Variants in ARID1B observed in about 807,000 individuals in gnomAD.
ARID1B encodes AT-rich interaction domain 1B, also known as AT-rich interactive domain-containing protein 1B.
ARID1B carries 30 observed loss-of-function variants against 212.3 expected under a neutral mutation model. That is an observed-to-expected ratio of 0.14 (90% confidence interval 0.11 to 0.19). The LOEUF is 0.19. Ranked by LOEUF, ARID1B falls within the 10% of genes least tolerant of loss-of-function variation. The pLI, the probability that ARID1B is intolerant of heterozygous loss-of-function variation, is 1.00. For synonymous variants in ARID1B, 1,402 were observed against 1,301.7 expected (o/e 1.08, Z -1.66); for missense variants, 2,891 against 3,204.0 (o/e 0.90, Z 2.36).
At chr6:156,922,621 A>C (rs945708129) in intron 3 of ARID1B, among the ~76,000 whole-genome samples, 2 of 152,168 alleles carry the variant, frequency 1.3e-5, no homozygotes, top group Non-Finnish European at 2.9e-5. Flanking sequence ...GAATGTGGTT[A>C]TTTGCAGCTA....
chr6:156,777,727 C>A lies in ARID1B; in HGVS notation c.47C>A (p.Ala16Glu). 1 of 184,408 alleles carries A rather than the reference C, an allele frequency of 5.4e-6. No individual in the cohort carries two copies. The highest frequency in any genetic ancestry group is 9.8e-6 in the Non-Finnish European group (1 of 102,458). 11.4% of individuals were successfully genotyped at this position (184,408 alleles called of 1,614,324 possible). A position where few individuals can be genotyped will look rare whatever the true frequency, so the allele number is the denominator to read the frequency against. The change falls in exon 1 of 20, where the codon GCG becomes GAG. Residue 16 changes from alanine (A) to glutamate (E), a missense_variant. Ala to Glu is a moderately radical substitution (Grantham distance 107). Coordinates refer to ENST00000636930, the MANE Select transcript of ARID1B (RefSeq NM_001374828.1). Reference protein sequence around the residue: ...AAAAAAAAARARARAGSGERR... With the variant: ...AAAAAAAAARERARAGSGERR... ...GCGGCGGCGGCGGCGGCGGCGCGGG[C>A]GCGGGCGCGGGCAGGCAGCGGCGAA... is the stretch of plus-strand genomic sequence containing the variant.
intron 2 of ARID1B, among the ~76,000 whole-genome samples, chr6:156,854,924 A>G (rs550704202): frequency 1.3e-5 from 2 of 152,324 alleles, no homozygotes; most frequent in Non-Finnish European, 2.9e-5. Context: ...GCCTCTGTTG[A>G]TTGTTCTGGC....
intron 4 of ARID1B, among the ~76,000 whole-genome samples, chr6:156,958,565 C>T (rs966620788): frequency 6.6e-6 from 1 of 152,232 alleles, no homozygotes; most frequent in Non-Finnish European, 1.5e-5. Context: ...TCGTGAAGCA[C>T]TTTTCAGCAA....
At chr6:157,176,728 C>T (rs1377421958) in intron 11 of ARID1B, among the ~76,000 whole-genome samples, 23 of 152,128 alleles carry the variant, frequency 1.5e-4, no homozygotes, top group Admixed American at 1.5e-3. Flanking sequence ...TGCCTGTAAT[C>T]CCAGCTACTC....
intron 7 of ARID1B, among the ~76,000 whole-genome samples, chr6:157,136,786 C>A (rs770905263): frequency 6.6e-6 from 1 of 152,020 alleles, no homozygotes; most frequent in Non-Finnish European, 1.5e-5. Context: ...CGCTTGAACC[C>A]GGGACGTGGA....
At position 157,208,245 on chromosome 6, in the gene ARID1B, A is replaced by G. The variant is rs1030816385; in HGVS notation, c.*354A>G. ...TGGGGGAAGCAAATTGACTTTAAAG[A>G]AAAAAGTTGTGGCAAAAGATGCTAA... On this transcript the variant is annotated 3_prime_UTR_variant, in exon 20 of 20. Coordinates refer to ENST00000636930, the MANE Select transcript of ARID1B (RefSeq NM_001374828.1). 9 of 247,280 alleles carry G rather than the reference A, an allele frequency of 3.6e-5. No homozygotes were observed. Among genetic ancestry groups the G allele is most frequent in the African/African-American group, 1.5e-4 (7 of 45,834 alleles). The allele number at this position is 247,280 out of a possible 1,614,324, so 15.3% of individuals were successfully genotyped here. A position where few individuals can be genotyped will look rare whatever the true frequency, so the allele number is the denominator to read the frequency against.
Position 156,922,818 on chromosome 6 carries a change from G to C in ARID1B, c.2137-12648G>C, listed in dbSNP as rs553970899. 7.2e-5 allele frequency among the ~76,000 whole-genome samples: 11 copies of C among 152,294 alleles called. No homozygotes were observed. In the South Asian group the frequency reaches 2.3e-3, roughly 32 times the overall value. ...CTGTATTCTCAGGGGAGTGTTCAAA[G>C]ACCTTCTACTCCAGGTCAAGAATTC... On this transcript the variant is annotated intron_variant, in intron 3 of 19. Transcript: ENST00000636930.
chr6:157,186,456 A>G (rs1248607640), intron 13 of ARID1B: 1 of 471,126 alleles, frequency 2.1e-6, no homozygotes, highest in East Asian at 6.9e-5. Context: ...CTCCAGGCAC[A>G]CACAGGCGTC....
Position 156,995,310 on chromosome 6 carries a change from A to G in ARID1B, c.2247+59734A>G, listed in dbSNP as rs537804819. On this transcript the variant is annotated intron_variant, in intron 4 of 19. Coordinates refer to ENST00000636930, the MANE Select transcript of ARID1B (RefSeq NM_001374828.1). ...AAAGGTACAAAAGGAGCCAAAGAGA[A>G]GGTAGCAATTTTAAATAGCTGACCT... Among the ~76,000 whole-genome samples, 6 of 152,372 alleles carry G rather than the reference A, an allele frequency of 3.9e-5. No homozygotes were observed. The South Asian group carries it at 1.2e-3, about 32-fold the overall frequency.
chr6:157,186,875 T>C (rs549348908), intron 13 of ARID1B, among the ~76,000 whole-genome samples: 1 of 152,352 alleles, frequency 6.6e-6, no homozygotes, highest in South Asian at 2.1e-4. Context: ...CATCTGTCTC[T>C]AGTCAGGTTT....
At chr6:156,966,538 C>T (rs1039308609) in intron 4 of ARID1B, among the ~76,000 whole-genome samples, 5 of 151,426 alleles carry the variant, frequency 3.3e-5, no homozygotes, top group Non-Finnish European at 5.9e-5. Flanking sequence ...GTATTACAGG[C>T]ACCTGCTACC....
intron 2 of ARID1B, among the ~76,000 whole-genome samples, chr6:156,867,675 C>T (rs1785803977): frequency 6.6e-6 from 1 of 151,844 alleles, no homozygotes; most frequent in Admixed American, 6.6e-5. Flanking sequence ...TCCTTTAGGC[C>T]TGCTTTTCAG....
chr6:156,843,104 A>G (rs1784009464), intron 2 of ARID1B, among the ~76,000 whole-genome samples: 1 of 152,114 alleles, frequency 6.6e-6, no homozygotes, highest in African/African-American at 2.4e-5. Context: ...CACCCTTCCA[A>G]CACTTCATAG....
At position 156,955,133 on chromosome 6, in the gene ARID1B, T is replaced by G. The variant is rs1731901235; in HGVS notation, c.2247+19557T>G. Among the ~76,000 whole-genome samples the G allele has an allele frequency of 6.6e-6, 1 of 152,244 alleles. No homozygotes were observed. Among genetic ancestry groups the G allele is most frequent in the Admixed American group, 6.5e-5 (1 of 15,278 alleles). On this transcript the variant is annotated intron_variant, in intron 4 of 19. Coordinates refer to ENST00000636930, the MANE Select transcript of ARID1B (RefSeq NM_001374828.1). This position sits in a 1 kb window ranked among gnomAD's most constrained non-coding sequence, Gnocchi z 4.2. ...CTCATCGACCCTTCCTGGCTGCTGT[T>G]GGACTGGGTCGGGGCTGTTGTTCAA...
chr6:156,948,814 T>C (rs1048433147), intron 4 of ARID1B, among the ~76,000 whole-genome samples: 14 of 152,250 alleles, frequency 9.2e-5, no homozygotes, highest in Admixed American at 2.6e-4. Context: ...ACAGAAAATA[T>C]CTACTTTTGG....
At chr6:156,886,125 A>G (rs1720190357) in intron 2 of ARID1B, among the ~76,000 whole-genome samples, 1 of 152,234 alleles carries the variant, frequency 6.6e-6, no homozygotes, top group Non-Finnish European at 1.5e-5. Context: ...CAAGCATTTC[A>G]GATAAGGGAC....
chr6:157,090,267 C>T (rs974499072), intron 5 of ARID1B, among the ~76,000 whole-genome samples: 5 of 152,188 alleles, frequency 3.3e-5, no homozygotes, highest in African/African-American at 7.2e-5. Flanking sequence ...GAGGAATGGA[C>T]AGGCAGGTGT....
intron 5 of ARID1B, among the ~76,000 whole-genome samples, chr6:157,100,899 A>G (rs1786007384): frequency 6.6e-6 from 1 of 152,248 alleles, no homozygotes; most frequent in Non-Finnish European, 1.5e-5. Context: ...GAGCAACTAA[A>G]TACAACCCAT....
intron 4 of ARID1B, among the ~76,000 whole-genome samples, chr6:156,999,688 C>T (rs1778800577): frequency 6.6e-6 from 1 of 152,198 alleles, no homozygotes; most frequent in South Asian, 2.1e-4. Context: ...GTCAGCAGCT[C>T]ACCTTTTCAA....
Sources: gnomAD v4.1 joint callset for allele counts (sites outside exome capture counted in the v4.1 genomes callset) on GRCh38, gnomAD v4.1.1 for gene constraint, Gnocchi (gnomAD v3.1) non-coding constraint, MANE v1.5 for transcripts, NCBI Gene and HGNC (gene_info 2026-07-23, HGNC 2026-07-21) for gene names.